NDST4: variants seen among roughly 807,000 people sequenced by gnomAD.
NDST4 encodes N-heparan sulfate sulfotransferase 4.
Under a neutral mutation model 100.8 loss-of-function variants are expected in NDST4, and 63 were observed. That is an observed-to-expected ratio of 0.62 (90% CI 0.51 to 0.77). The LOEUF is 0.77. Ranked by LOEUF, NDST4 falls within the 30% of genes least tolerant of loss-of-function variation. NDST4 has a pLI of 0.00. For missense variants in NDST4, 943 were observed against 1,018.4 expected, an observed-to-expected ratio of 0.93 and a Z score of 1.01; for synonymous variants, 377 against 361.8, an observed-to-expected ratio of 1.04 and a Z score of -0.48.
intron 2 of NDST4, among the ~76,000 whole-genome samples, chr4:115,036,572 G>A (rs2126272166): frequency 6.6e-6 from 1 of 151,868 alleles, no homozygotes; most frequent in African/African-American, 2.4e-5. Context: ...CTTCCTAGGT[G>A]ATAATTCTGA....
chr4:115,062,081 G>A (rs936741208), intron 2 of NDST4, among the ~76,000 whole-genome samples: 2 of 151,914 alleles, frequency 1.3e-5, no homozygotes, highest in African/African-American at 4.8e-5. Context: ...AATGAAGTGA[G>A]CCAATTTCTG....
intron 7 of NDST4, among the ~76,000 whole-genome samples, chr4:114,866,921 G>T (rs1724038612): frequency 2.0e-5 from 3 of 152,106 alleles, no homozygotes; most frequent in Admixed American, 2.0e-4. Flanking sequence ...CTAAAGTGAG[G>T]AGTTACCCCT....
intron 4 of NDST4, among the ~76,000 whole-genome samples, chr4:114,939,771 G>T (rs549829335): frequency 1.3e-3 from 195 of 152,034 alleles, no homozygotes; most frequent in African/African-American, 4.2e-3. Flanking sequence ...ATTTCTGGGG[G>T]CCCAGTGTTA....
chr4:114,922,414 C>T (rs907191100), intron 6 of NDST4, among the ~76,000 whole-genome samples: 1 of 152,136 alleles, frequency 6.6e-6, no homozygotes, highest in African/African-American at 2.4e-5. Context: ...GGACAGCCTC[C>T]CCCAGTGGAA....
At chr4:115,050,259 T>C (rs1045408487) in intron 2 of NDST4, among the ~76,000 whole-genome samples, 38 of 152,142 alleles carry the variant, frequency 2.5e-4, no homozygotes, top group African/African-American at 8.9e-4. Flanking sequence ...CTCAAACATG[T>C]CAATATTTTT....
At chr4:114,847,829 T>C (rs1421547716) in intron 9 of NDST4, among the ~76,000 whole-genome samples, 1 of 152,204 alleles carries the variant, frequency 6.6e-6, no homozygotes, top group Non-Finnish European at 1.5e-5. Context: ...ATGTCACGAA[T>C]TATAAAATAA....
At chr4:114,884,271 A>G (rs1349725724) in intron 6 of NDST4, among the ~76,000 whole-genome samples, 1 of 152,048 alleles carries the variant, frequency 6.6e-6, no homozygotes, top group Non-Finnish European at 1.5e-5. Flanking sequence ...GTGCTCACAT[A>G]TCAACTCCAA....
intron 2 of NDST4, among the ~76,000 whole-genome samples, chr4:115,042,373 A>G (rs934709208): frequency 2.0e-5 from 3 of 152,166 alleles, no homozygotes; most frequent in Non-Finnish European, 4.4e-5. Flanking sequence ...GATAAATTGT[A>G]GTCTACTGCT....
At chr4:115,063,086 AG>A (rs1728858603) in intron 2 of NDST4, among the ~76,000 whole-genome samples, 1 of 151,992 alleles carries the variant, frequency 6.6e-6, no homozygotes, top group South Asian at 2.1e-4. Flanking sequence ...GTGATTGGAA[AG>A]GTGGTGGTAT....
intron 1 of NDST4, among the ~76,000 whole-genome samples, chr4:115,079,079 C>T (rs72667318): frequency 0.12 from 17,836 of 151,696 alleles, 1,697 homozygotes; most frequent in East Asian, 0.45. Context: ...ACTACAGGCA[C>T]GGTGGCTCAG....
chr4:114,870,653 G>T (rs1260943521), intron 7 of NDST4, 115 bp downstream of exon 7: 1 of 796,784 alleles, frequency 1.3e-6, no homozygotes, highest in Non-Finnish European at 1.8e-6. Context: ...TATAAAAGAG[G>T]ATTTTGTGTT....
intron 12 of NDST4, among the ~76,000 whole-genome samples, chr4:114,830,596 ATTTGTT>A (rs1723173524): frequency 6.6e-6 from 1 of 152,200 alleles, no homozygotes; most frequent in African/African-American, 2.4e-5. Context: ...GTGTGGCCTA[ATTTGTT>A]TTTAAAAGTC....
rs182622803 is a variant in NDST4 at position 114,974,046 on chromosome 4, A to C, written c.1066+3141T>G. On this transcript the variant is annotated intron_variant, in intron 3 of 13. Coordinates refer to ENST00000264363, the MANE Select transcript of NDST4 (RefSeq NM_022569.3). The stretch of plus-strand genomic sequence containing the variant: ...TTGATAATATTTGAATCTTATATGA[A>C]AATAATTTTAAAATTAATAATAAAC... Among the ~76,000 whole-genome samples, 511 of 152,046 alleles carry C rather than the reference A, an allele frequency of 3.4e-3. 3 individuals are homozygous for C. Among genetic ancestry groups the C allele is most frequent in the African/African-American group, 0.012 (496 of 41,534 alleles).
chr4:114,941,216 G>A (rs1048009505), intron 4 of NDST4, among the ~76,000 whole-genome samples: 4 of 152,188 alleles, frequency 2.6e-5, no homozygotes, highest in Non-Finnish European at 5.9e-5. Flanking sequence ...CAGAGGCTCA[G>A]AGAAGGCATG....
intron 2 of NDST4, among the ~76,000 whole-genome samples, chr4:114,992,888 G>A (rs1171485162): frequency 6.6e-6 from 1 of 151,704 alleles, no homozygotes; most frequent in Non-Finnish European, 1.5e-5. Flanking sequence ...CTGGGTATAG[G>A]TGGCATCAAC....
intron 12 of NDST4, 36 bp downstream of exon 12, chr4:114,833,570 T>C (rs373695668): frequency 3.7e-6 from 5 of 1,351,910 alleles, no homozygotes; most frequent in Non-Finnish European, 5.3e-6. Context: ...TGATGGCAAA[T>C]AATGGAAATG....
chr4:115,044,158 A>G (rs1375501645), intron 2 of NDST4, among the ~76,000 whole-genome samples: 1 of 152,182 alleles, frequency 6.6e-6, no homozygotes, highest in African/African-American at 2.4e-5. Context: ...TTAAGAATCA[A>G]ATAGTATCTA....
chr4:115,109,716 A>G (rs1032871002), intron 1 of NDST4, among the ~76,000 whole-genome samples: 1 of 151,938 alleles, frequency 6.6e-6, no homozygotes, highest in Admixed American at 6.6e-5. Context: ...AGTGTTAATG[A>G]AGTATATTAT....
At chr4:114,928,522 T>C (rs1451100459) in intron 6 of NDST4, among the ~76,000 whole-genome samples, 1 of 152,194 alleles carries the variant, frequency 6.6e-6, no homozygotes, top group East Asian at 1.9e-4. Flanking sequence ...CAAGTCTGCC[T>C]GCCACATTAA....
Sources: gnomAD v4.1 joint callset for allele counts (sites outside exome capture counted in the v4.1 genomes callset) on GRCh38, gnomAD v4.1.1 for gene constraint, MANE v1.5 for transcripts, NCBI Gene and HGNC (gene_info 2026-07-23, HGNC 2026-07-21) for gene names.